The following WFDC3 variants were observed in gnomAD, a reference collection of about 807,000 sequenced individuals.
The protein encoded by WFDC3 is WAP four-disulfide core domain 3.
A neutral mutation model predicts 25.8 loss-of-function variants in WFDC3; 15 were observed. The observed-to-expected ratio is 0.58, with a 90% confidence interval of 0.39 to 0.89. The LOEUF is 0.89. WFDC3 is among the 40% of genes least tolerant of loss of function. WFDC3 has a pLI of 0.00. For synonymous variants in WFDC3, 103 were observed against 107.1 expected, an observed-to-expected ratio of 0.96 and a Z score of 0.24; for missense variants, 264 against 289.8, an observed-to-expected ratio of 0.91 and a Z score of 0.65.
chr20:45,789,405 C>G (rs2145691661), intron 2 of WFDC3, among the ~76,000 whole-genome samples: 1 of 151,018 alleles, frequency 6.6e-6, no homozygotes, highest in East Asian at 2.0e-4. Context: ...ACTCGGGAGG[C>G]TGAGGCAGGA....
chr20:45,791,194 T>C, intron 1 of WFDC3, among the ~76,000 whole-genome samples: 1 of 142,374 alleles, frequency 7.0e-6, no homozygotes, highest in Admixed American at 7.0e-5. Flanking sequence ...TTTTTTTTTT[T>C]TTTTTTTGAG....
At chr20:45,787,440 G>T (rs1267457966) in intron 4 of WFDC3, among the ~76,000 whole-genome samples, 1 of 151,506 alleles carries the variant, frequency 6.6e-6, no homozygotes, top group Non-Finnish European at 1.5e-5. Flanking sequence ...ACAGGCACCC[G>T]CCACCACGCC....
At chr20:45,782,725 G>A (rs368672159) in intron 4 of WFDC3, among the ~76,000 whole-genome samples, 1 of 152,036 alleles carries the variant, frequency 6.6e-6, no homozygotes, top group Non-Finnish European at 1.5e-5. Flanking sequence ...TCTAAGCCCC[G>A]ATCATCTCTC....
intron 4 of WFDC3, among the ~76,000 whole-genome samples, chr20:45,782,729 A>G (rs781440476): frequency 1.8e-4 from 28 of 152,094 alleles, no homozygotes; most frequent in Non-Finnish European, 4.0e-4. Flanking sequence ...AGCCCCGATC[A>G]TCTCTCCCAG....
At chr20:45,791,734 A>C (rs1005295587) in intron 1 of WFDC3, 98 bp downstream of exon 1, 1 of 341,636 alleles carries the variant, frequency 2.9e-6, no homozygotes, top group Non-Finnish European at 5.2e-6. Flanking sequence ...GCCTTGGCCC[A>C]GCGGGAAACA....
chr20:45,783,076 T>C (rs905400443), intron 4 of WFDC3, among the ~76,000 whole-genome samples: 12 of 146,030 alleles, frequency 8.2e-5, no homozygotes, highest in Non-Finnish European at 1.5e-4. Flanking sequence ...TCACACTATA[T>C]GAGCAAGCCC....
rs761503091 is a variant in WFDC3, at chr20:45,790,020, T to C, written c.-7-38A>G. 7 of 1,555,050 alleles carry C rather than the reference T, an allele frequency of 4.5e-6. No homozygotes were observed. In the East Asian group the frequency reaches 1.6e-4, roughly 35 times the overall value. ...ACAAGAGCTCAGTTCAGGCTAGAGG[T>C]GTACACCTTGCCCAGAGTATCAGCT... On this transcript the variant is annotated intron_variant, in intron 1 of 6. Coordinates refer to ENST00000243938, the MANE Select transcript of WFDC3 (RefSeq NM_080614.2).
chr20:45,791,847 A>G lies in WFDC3; in HGVS notation c.-23T>C. The G allele has an allele frequency of 2.2e-6, 1 of 455,690 alleles. No individual in the cohort carries two copies. 28.2% of individuals were successfully genotyped at this position (455,690 alleles called of 1,614,324 possible). On this transcript the variant is annotated 5_prime_UTR_variant, in exon 1 of 7. Coordinates refer to ENST00000243938, the MANE Select transcript of WFDC3 (RefSeq NM_080614.2). The stretch of plus-strand genomic sequence containing the variant: ...CTCCACCTACAAGGCCTCTAAGTGT[A>G]ACTGTCCTGGGCGAGGCGCGGCGGT...
chr20:45,787,926 T>A lies in WFDC3; in HGVS notation c.268A>T (p.Ile90Phe), dbSNP rs749788918. 5 of 1,614,082 alleles carry A rather than the reference T, an allele frequency of 3.1e-6. 1 individual carries two copies. In the South Asian group the frequency reaches 4.4e-5, roughly 14 times the overall value. ...IRKQSCLKRC[I>F]TDETCPGVKK... ...ACACCTGGACATGTCTCATCAGTGA[T>A]GCACCTTTTCAAACAGGATTGTTTC... Residue 90 changes from isoleucine (I) to phenylalanine (F), a missense_variant, in exon 4 of 7, where the codon ATC (isoleucine) becomes TTC (phenylalanine). Ile to Phe is a conservative substitution (Grantham distance 21). Transcript: ENST00000243938.
chr20:45,776,280 G>C (rs180713989), intron 5 of WFDC3, among the ~76,000 whole-genome samples: 133 of 96,220 alleles, frequency 1.4e-3, no homozygotes, highest in Non-Finnish European at 1.9e-3. Context: ...TTTTATCTCT[G>C]TGTGTGTGTG....
intron 1 of WFDC3, 74 bp from the exon 2 acceptor site, chr20:45,790,056 C>T (rs957914925): frequency 3.3e-6 from 4 of 1,226,390 alleles, no homozygotes; most frequent in Non-Finnish European, 4.8e-6. Flanking sequence ...GAGGTATGAG[C>T]AGGACTAGGG....
chr20:45,788,742 G>A (rs940349749), intron 3 of WFDC3, 189 bp downstream of exon 3: 1 of 693,048 alleles, frequency 1.4e-6, no homozygotes, highest in Non-Finnish European at 2.2e-6. Context: ...GCTCTTTCCT[G>A]ATGGAAGGCA....
At chr20:45,790,724 CAAA>C (rs773835512) in intron 1 of WFDC3, among the ~76,000 whole-genome samples, 2 of 104,392 alleles carry the variant, frequency 1.9e-5, no homozygotes, top group African/African-American at 3.6e-5. Flanking sequence ...GACTCTGTCT[CAAA>C]AAAAAAAAAA....
rs201240461 is a variant in WFDC3 at position 45,787,810 on chromosome 20, T to C, written c.358+26A>G. On this transcript the variant is annotated intron_variant, in intron 4 of 6. Transcript: ENST00000243938. ...ATAAACAAGCAGACCAAACAGACCATGAGGTGTGGGGACAGCGTTTCTTAC... is the reference window on the plus strand; with the variant it reads ...ATAAACAAGCAGACCAAACAGACCACGAGGTGTGGGGACAGCGTTTCTTAC... 3.4e-4 allele frequency: 540 copies of C among 1,596,898 alleles called. 2 individuals carry two copies. The highest frequency in any genetic ancestry group is 2.8e-4 in the Non-Finnish European group (325 of 1,172,216).
chr20:45,784,239 C>T (rs1980574299), intron 4 of WFDC3, among the ~76,000 whole-genome samples: 1 of 152,222 alleles, frequency 6.6e-6, no homozygotes, highest in Non-Finnish European at 1.5e-5. Context: ...GGAGAACAAC[C>T]TTCCATTCTC....
At chr20:45,786,605 T>C (rs1276662876) in intron 4 of WFDC3, among the ~76,000 whole-genome samples, 2 of 152,182 alleles carry the variant, frequency 1.3e-5, no homozygotes, top group Non-Finnish European at 2.9e-5. Context: ...AGCCCGTCAC[T>C]GGATCTCGCA....
At chr20:45,786,416 G>T (rs1233896731) in intron 4 of WFDC3, among the ~76,000 whole-genome samples, 1 of 152,076 alleles carries the variant, frequency 6.6e-6, no homozygotes, top group South Asian at 2.1e-4. Flanking sequence ...AAATAAAAGT[G>T]AGTTCTCCGC....
At chr20:45,777,665 C>A (rs57321493) in intron 4 of WFDC3, among the ~76,000 whole-genome samples, 2,237 of 152,228 alleles carry the variant, frequency 0.015, 67 homozygotes, top group African/African-American at 0.051. Context: ...ACTAGAGGCA[C>A]AAGCCACCAG....
At position 45,775,409 on chromosome 20, in the gene WFDC3, G is replaced by C; in HGVS notation, c.679+8C>G. 6.2e-7 allele frequency: 1 copy of C among 1,613,660 alleles called. No individual in the cohort carries two copies. On this transcript the variant is annotated splice_region_variant and intron_variant, in intron 6 of 6. Transcript: ENST00000243938. ...CTGTTATTGTTGATGACAATGGACT[G>C]TACTCACCTAATTCGGAATCAGACC...
Sources: gnomAD v4.1 joint callset for allele counts (sites outside exome capture counted in the v4.1 genomes callset) on GRCh38, gnomAD v4.1.1 for gene constraint, MANE v1.5 for transcripts, NCBI Gene and HGNC (gene_info 2026-07-23, HGNC 2026-07-21) for gene names.